The following PXDNL variants were observed in gnomAD, a reference collection of about 807,000 sequenced individuals.
PXDNL encodes the protein probable oxidoreductase PXDNL.
A neutral mutation model predicts 150.8 loss-of-function variants in PXDNL; 145 were observed. The ratio of observed to expected loss-of-function variants is 0.96; its 90% CI spans 0.84 to 1.10. The LOEUF (loss-of-function observed/expected upper bound fraction) is 1.10, where lower values mean the gene tolerates loss of function less well. Ranked by LOEUF, PXDNL falls within the 50% of genes least tolerant of loss-of-function variation. The pLI, the probability that PXDNL is intolerant of heterozygous loss-of-function variation, is 0.00. For missense variants in PXDNL, 2,087 were observed against 1,873.9 expected, an observed-to-expected ratio of 1.11 and a Z score of -2.10; for synonymous variants, 757 against 725.7, an observed-to-expected ratio of 1.04 and a Z score of -0.69.
At chr8:51,650,820 G>A (rs562462448) in intron 2 of PXDNL, among the ~76,000 whole-genome samples, 1 of 152,278 alleles carries the variant, frequency 6.6e-6, no homozygotes, top group South Asian at 2.1e-4. Context: ...ACTCTTATCA[G>A]TGGTTTTGCC....
chr8:51,703,967 A>G (rs1409938187), intron 1 of PXDNL, among the ~76,000 whole-genome samples: 2 of 152,172 alleles, frequency 1.3e-5, no homozygotes, highest in South Asian at 2.1e-4. Flanking sequence ...AACTATTATC[A>G]CAAGTCTTTC....
At chr8:51,603,803 C>G (rs1585613369) in intron 2 of PXDNL, among the ~76,000 whole-genome samples, 1 of 152,120 alleles carries the variant, frequency 6.6e-6, no homozygotes, top group African/African-American at 2.4e-5. Flanking sequence ...ATGATAGTTT[C>G]AGACTAGTCA....
chr8:51,409,305 G>T lies in PXDNL; in HGVS notation c.2319C>A (p.Ser773=). Residue 773 remains serine, a synonymous_variant, in exon 17 of 23, where the codon TCC becomes TCA. Coordinates refer to ENST00000356297, the MANE Select transcript of PXDNL (RefSeq NM_144651.5). The part of the protein sequence containing the change: ...APRGLGLPVG[S]RQPLPPPRLV... ...GCCGGGGCGGCGGGAGGGGCTGGCG[G>T]GAGCCCACAGGAAGGCCGAGCCCGC... 5 of 1,420,968 alleles carry T rather than the reference G, an allele frequency of 3.5e-6. No homozygotes were observed. Among genetic ancestry groups the T allele is most frequent in the Non-Finnish European group, 4.6e-6 (5 of 1,094,774 alleles). 88.0% of individuals were successfully genotyped at this position (1,420,968 alleles called of 1,614,324 possible). A position where few individuals can be genotyped will look rare whatever the true frequency, so the allele number is the denominator to read the frequency against.
Position 51,553,740 on chromosome 8 carries a change from T to TTATATA in PXDNL, c.380+3094_380+3099dup, listed in dbSNP as rs747698313. ...GTTTATTGCCTTATTGTGAGGGATT[T>TTATATA]TATATATATATATATATATATATAT... On this transcript the variant is annotated intron_variant, in intron 4 of 22. Transcript: ENST00000356297. Among the ~76,000 whole-genome samples, 759 of 112,822 alleles carry TTATATA rather than the reference T, an allele frequency of 6.7e-3. 7 individuals carry two copies. Among genetic ancestry groups the TTATATA allele is most frequent in the Admixed American group, 0.017 (183 of 10,678 alleles). 74.0% of individuals were successfully genotyped at this position (112,822 alleles called of 152,430 possible).
intron 19 of PXDNL, among the ~76,000 whole-genome samples, chr8:51,369,512 G>A (rs1372692239): frequency 1.3e-5 from 2 of 152,088 alleles, no homozygotes; most frequent in African/African-American, 4.8e-5. Context: ...TAGTCAGAAA[G>A]TACACGGAAA....
chr8:51,682,470 C>T (rs1815772574), intron 1 of PXDNL, among the ~76,000 whole-genome samples: 1 of 152,072 alleles, frequency 6.6e-6, no homozygotes, highest in Non-Finnish European at 1.5e-5. Context: ...TGTCCACATG[C>T]CTGGAGAATG....
At chr8:51,474,432 T>C (rs529630668) in intron 7 of PXDNL, among the ~76,000 whole-genome samples, 1 of 152,230 alleles carries the variant, frequency 6.6e-6, no homozygotes, top group African/African-American at 2.4e-5. Context: ...TATAACCATA[T>C]GCTTATTAAA....
At chr8:51,323,283 GT>G (rs1226615284) in intron 21 of PXDNL, among the ~76,000 whole-genome samples, 1 of 151,850 alleles carries the variant, frequency 6.6e-6, no homozygotes, top group Non-Finnish European at 1.5e-5. Flanking sequence ...TGCTTTTTTT[GT>G]TTTGTTTTGT....
chr8:51,639,639 C>G (rs1339812130), intron 2 of PXDNL, among the ~76,000 whole-genome samples: 2 of 152,138 alleles, frequency 1.3e-5, no homozygotes, highest in Non-Finnish European at 2.9e-5. Flanking sequence ...TACACCCTCC[C>G]AAGACTAAAC....
intron 1 of PXDNL, among the ~76,000 whole-genome samples, chr8:51,659,641 T>G (rs1014507536): frequency 6.6e-6 from 1 of 152,038 alleles, no homozygotes; most frequent in Non-Finnish European, 1.5e-5. Flanking sequence ...TCACAGCCCA[T>G]TATGCCTCCT....
chr8:51,442,541 C>T (rs181811920), intron 12 of PXDNL, among the ~76,000 whole-genome samples: 89 of 151,868 alleles, frequency 5.9e-4, no homozygotes, highest in Middle Eastern at 6.8e-3. Context: ...TCTATTCAGA[C>T]CTATGTTATG....
At chr8:51,579,184 A>T (rs1310896486) in intron 3 of PXDNL, among the ~76,000 whole-genome samples, 3 of 152,072 alleles carry the variant, frequency 2.0e-5, no homozygotes, top group African/African-American at 4.8e-5. Flanking sequence ...ACAGACTGGA[A>T]GAAAATATTT....
chr8:51,429,211 A>G lies in PXDNL; in HGVS notation c.1526-2453T>C, dbSNP rs567194228. 1.2e-3 allele frequency among the ~76,000 whole-genome samples: 177 copies of G among 152,340 alleles called. 1 individual carries two copies. Among genetic ancestry groups the G allele is most frequent in the Non-Finnish European group, 1.3e-4 (9 of 68,040 alleles). On this transcript the variant is annotated intron_variant, in intron 12 of 22. Coordinates refer to ENST00000356297, the MANE Select transcript of PXDNL (RefSeq NM_144651.5). ...GCAGGCAAGGATGCAGGTAAACTGAATTACTCATACATTGTTGGTGGGAAT... is the reference window on the plus strand; with the variant it reads ...GCAGGCAAGGATGCAGGTAAACTGAGTTACTCATACATTGTTGGTGGGAAT...
At chr8:51,775,080 C>T (rs2037338220) in intron 1 of PXDNL, among the ~76,000 whole-genome samples, 1 of 151,992 alleles carries the variant, frequency 6.6e-6, no homozygotes, top group East Asian at 1.9e-4. Context: ...GGGTTTTGTT[C>T]TCCCATTAAA....
chr8:51,703,779 A>T (rs1455385255), intron 1 of PXDNL, among the ~76,000 whole-genome samples: 1 of 152,242 alleles, frequency 6.6e-6, no homozygotes, highest in Admixed American at 6.5e-5. Context: ...AGCAATTTAA[A>T]TGCAGCATGA....
chr8:51,709,734 G>A (rs923362298), intron 1 of PXDNL, among the ~76,000 whole-genome samples: 7 of 152,070 alleles, frequency 4.6e-5, no homozygotes, highest in Admixed American at 1.3e-4. Context: ...AAAGTAAAAA[G>A]GATATCCATG....
chr8:51,753,071 T>C (rs2037063916), intron 1 of PXDNL, among the ~76,000 whole-genome samples: 1 of 152,212 alleles, frequency 6.6e-6, no homozygotes, highest in African/African-American at 2.4e-5. Flanking sequence ...CCATTTACAA[T>C]GGAACAGTAA....
chr8:51,339,647 T>C lies in PXDNL; in HGVS notation c.4123A>G (p.Thr1375Ala). 6.2e-7 allele frequency: 1 copy of C among 1,613,792 alleles called. No homozygotes were observed. The highest frequency in any genetic ancestry group is 1.1e-5 in the South Asian group (1 of 91,000). ...ACCTGCTCTCTGAGTGCTGTGATGG[T>C]TTCCTGAATTTCCGCTGCAAACGTG... ...FSTFAAEIQE[T>A]ITALREQINK... The change falls in exon 21 of 23, where the codon ACC (threonine) becomes GCC (alanine). Residue 1375 changes from threonine (T) to alanine (A), a missense_variant. Coordinates refer to ENST00000356297, the MANE Select transcript of PXDNL (RefSeq NM_144651.5).
chr8:51,411,369 T>G lies in PXDNL; in HGVS notation c.1943A>C (p.His648Pro). The change falls in exon 16 of 23, where the codon CAT becomes CCT. Residue 648 changes from histidine to proline, a missense_variant. By Grantham distance (77) the His-to-Pro change is moderately conservative (BLOSUM62 -2). Transcript: ENST00000356297. ...CACAATCAGTGGGTCACGCGGGTAATGAAATTGAGCCAGCAGGTCACTGGA... is the reference window on the plus strand; with the variant it reads ...CACAATCAGTGGGTCACGCGGGTAAGGAAATTGAGCCAGCAGGTCACTGGA... ...HTSSDLLAQF[H>P]YPRDPLIVEM... 1 of 1,576,026 alleles carries G rather than the reference T, an allele frequency of 6.3e-7. No individual in the cohort carries two copies.
Sources: gnomAD v4.1 joint callset for allele counts (sites outside exome capture counted in the v4.1 genomes callset) on GRCh38, gnomAD v4.1.1 for gene constraint, MANE v1.5 for transcripts, NCBI Gene and HGNC (gene_info 2026-07-23, HGNC 2026-07-21) for gene names.